The following RUFY3 variants were observed in gnomAD, a reference collection of about 807,000 sequenced individuals.
RUFY3 encodes protein RUFY3.
RUFY3 carries 34 observed loss-of-function variants against 84.0 expected under a neutral mutation model. The observed-to-expected ratio is 0.40, with a 90% CI of 0.31 to 0.54. RUFY3 has a LOEUF of 0.54. Among genes scored for constraint, RUFY3 ranks in the 20% least tolerant of loss-of-function variants. The pLI is 0.39. For missense variants in RUFY3, 507 were observed against 736.8 expected (o/e 0.69, Z 3.61); for synonymous variants, 242 against 252.9 (o/e 0.96, Z 0.41).
intron 1 of RUFY3, among the ~76,000 whole-genome samples, chr4:70,743,368 G>A (rs1454134347): frequency 6.6e-6 from 1 of 151,972 alleles, no homozygotes; most frequent in Non-Finnish European, 1.5e-5. Flanking sequence ...CACTGTGCCT[G>A]GCCTATTATC....
chr4:70,797,375 G>A (rs956584154), intron 14 of RUFY3, among the ~76,000 whole-genome samples: 7 of 152,202 alleles, frequency 4.6e-5, no homozygotes, highest in African/African-American at 9.6e-5. Context: ...CAGTCTTTTC[G>A]TAATACGCGT....
chr4:70,713,254 C>A (rs567043612), intron 1 of RUFY3, among the ~76,000 whole-genome samples: 1 of 152,276 alleles, frequency 6.6e-6, no homozygotes, highest in East Asian at 1.9e-4. Context: ...AATTCCTGAC[C>A]TCAAGGGATC....
In RUFY3 at chr4:70,742,096, T is replaced by A. The variant is rs147422136; in HGVS notation, c.178+19345T>A. On this transcript the variant is annotated intron_variant, in intron 1 of 17. Transcript: ENST00000381006. ...TCTGATTTGTAGATTTCCATAACAT[T>A]ACACACTTAAGCTTTGTCATGTCAT... Among the ~76,000 whole-genome samples, 1,182 of 137,082 alleles carry A rather than the reference T, an allele frequency of 8.6e-3. 15 individuals carry two copies. The highest frequency in any genetic ancestry group is 0.041 in the African/African-American group (1,121 of 27,586). 89.9% of individuals were successfully genotyped at this position (137,082 alleles called of 152,430 possible).
rs114189287 is a variant in RUFY3 at position 70,758,267 on chromosome 4, A to G, written c.179-4252A>G. Among the ~76,000 whole-genome samples, 304 of 152,332 alleles carry G rather than the reference A, an allele frequency of 2.0e-3. 1 individual carries two copies. Among genetic ancestry groups the G allele is most frequent in the African/African-American group, 7.0e-3 (291 of 41,570 alleles). Reference sequence around the variant, plus strand: ...TTTACACTTGAATAGTATTTAAGACAAGTAATGTTGAATAGAAAATATTCT... The same window carrying G: ...TTTACACTTGAATAGTATTTAAGACGAGTAATGTTGAATAGAAAATATTCT... On this transcript the variant is annotated intron_variant, in intron 1 of 17. Transcript: ENST00000381006.
chr4:70,731,969 T>C (rs968383024), intron 1 of RUFY3, among the ~76,000 whole-genome samples: 2 of 152,216 alleles, frequency 1.3e-5, no homozygotes, highest in Non-Finnish European at 2.9e-5. Context: ...CTCATGCCCT[T>C]CTTTGGATGA....
rs185660160 is a variant in RUFY3 at position 70,716,338 on chromosome 4, G to T, written c.358+11044G>T. On this transcript the variant is annotated intron_variant, in intron 1 of 11. Transcript: ENST00000417478. ...TTTTTGTATTTTTACTAGAGACGGGGTTTCACCATGTTGGCCAGGCAGGAC... is the reference window on the plus strand; with the variant it reads ...TTTTTGTATTTTTACTAGAGACGGGTTTTCACCATGTTGGCCAGGCAGGAC... Among the ~76,000 whole-genome samples, 556 of 151,850 alleles carry T rather than the reference G, an allele frequency of 3.7e-3. 4 individuals are homozygous for T. The highest frequency in any genetic ancestry group is 0.013 in the African/African-American group (531 of 41,472).
chr4:70,739,549 A>G (rs1720958654), intron 1 of RUFY3, among the ~76,000 whole-genome samples: 1 of 152,172 alleles, frequency 6.6e-6, no homozygotes, highest in Non-Finnish European at 1.5e-5. Context: ...TTAACACTAA[A>G]TCAAAGACAC....
At chr4:70,784,366 C>T (rs1258238569) in intron 9 of RUFY3, among the ~76,000 whole-genome samples, 2 of 152,076 alleles carry the variant, frequency 1.3e-5, no homozygotes, top group Non-Finnish European at 2.9e-5. Flanking sequence ...GCCTATAATC[C>T]CAGCTACTCG....
At chr4:70,759,376 G>A (rs1226505247) in intron 1 of RUFY3, among the ~76,000 whole-genome samples, 36 of 139,686 alleles carry the variant, frequency 2.6e-4, no homozygotes, top group Non-Finnish European at 4.9e-4. Flanking sequence ...GTGTGTATGT[G>A]TGTGTGTGTG....
intron 15 of RUFY3, among the ~76,000 whole-genome samples, chr4:70,801,168 A>C (rs1413938889): frequency 6.6e-6 from 1 of 151,694 alleles, no homozygotes; most frequent in Non-Finnish European, 1.5e-5. Context: ...GGAGACAAAA[A>C]AAAAAAAAAA....
At chr4:70,780,188 A>C (rs1728670398) in intron 8 of RUFY3, among the ~76,000 whole-genome samples, 1 of 152,242 alleles carries the variant, frequency 6.6e-6, no homozygotes, top group Non-Finnish European at 1.5e-5. Context: ...ATGTTGAAGC[A>C]GTACAGCATA....
intron 12 of RUFY3, chr4:70,790,168 A>G (rs1730570919): frequency 6.6e-6 from 1 of 152,452 alleles, no homozygotes; most frequent in African/African-American, 2.4e-5. Flanking sequence ...TTGAGTTTTC[A>G]TCCTTTGGGC....
At position 70,730,681 on chromosome 4, in the gene RUFY3, G is replaced by A. The variant is rs567993555; in HGVS notation, c.178+7930G>A. ...TTGAACCTGGGAGACAGAGGTTGCAGTGAGCCGAGATTGCACCACCGCACT... is the reference window on the plus strand; with the variant it reads ...TTGAACCTGGGAGACAGAGGTTGCAATGAGCCGAGATTGCACCACCGCACT... On this transcript the variant is annotated intron_variant, in intron 1 of 17. Coordinates refer to ENST00000381006, the MANE Select transcript of RUFY3 (RefSeq NM_001037442.4). Among the ~76,000 whole-genome samples the A allele has an allele frequency of 2.0e-5, 3 of 152,224 alleles. No individual in the cohort carries two copies. The South Asian group carries it at 6.2e-4, about 32-fold the overall frequency.
At chr4:70,776,700 C>T (rs1267954400) in intron 7 of RUFY3, among the ~76,000 whole-genome samples, 1 of 152,186 alleles carries the variant, frequency 6.6e-6, no homozygotes, top group Non-Finnish European at 1.5e-5. Context: ...GGCGTGAACC[C>T]GGGAGGCAGA....
At chr4:70,797,707 G>T (rs1378347830) in intron 14 of RUFY3, among the ~76,000 whole-genome samples, 2 of 152,016 alleles carry the variant, frequency 1.3e-5, no homozygotes, top group Non-Finnish European at 2.9e-5. Flanking sequence ...GCCGGGCATG[G>T]TGGTAGTCTC....
chr4:70,710,231 T>C (rs1228205575), intron 1 of RUFY3, among the ~76,000 whole-genome samples: 5 of 152,242 alleles, frequency 3.3e-5, no homozygotes, highest in African/African-American at 1.2e-4. Context: ...TATACAGATA[T>C]GTATATATCA....
chr4:70,779,761 A>AGG (rs1437761349), intron 8 of RUFY3, among the ~76,000 whole-genome samples: 3 of 151,674 alleles, frequency 2.0e-5, no homozygotes, highest in Admixed American at 6.6e-5. Flanking sequence ...TTTAGTAGAG[A>AGG]GGGGGTCTTG....
rs752861638 is a variant in RUFY3 at position 70,771,182 on chromosome 4, A to G, written c.697-2329A>G. ...AGTTACCAAAATGTGAAACCGAGACATGAAGCGAGCACATGCTGTTGGAAA... is the reference window on the plus strand; with the variant it reads ...AGTTACCAAAATGTGAAACCGAGACGTGAAGCGAGCACATGCTGTTGGAAA... On this transcript the variant is annotated intron_variant, in intron 5 of 17. Transcript: ENST00000381006. Among the ~76,000 whole-genome samples, 63 of 152,226 alleles carry G rather than the reference A, an allele frequency of 4.1e-4. 1 individual carries two copies. The highest frequency in any genetic ancestry group is 1.4e-3 in the Admixed American group (22 of 15,280).
At chr4:70,782,052 G>A (rs781049779) in intron 8 of RUFY3, among the ~76,000 whole-genome samples, 2 of 152,054 alleles carry the variant, frequency 1.3e-5, no homozygotes, top group Non-Finnish European at 1.5e-5. Flanking sequence ...TTTAGCATGA[G>A]AACTTTGGAG....
Sources: gnomAD v4.1 joint callset for allele counts (sites outside exome capture counted in the v4.1 genomes callset) on GRCh38, gnomAD v4.1.1 for gene constraint, MANE v1.5 for transcripts, NCBI Gene and HGNC (gene_info 2026-07-23, HGNC 2026-07-21) for gene names.